The following ENPP1 variants were observed in gnomAD, a reference collection of about 807,000 sequenced individuals.
The protein encoded by ENPP1 is ectonucleotide pyrophosphatase/phosphodiesterase family member 1.
A neutral mutation model predicts 122.8 loss-of-function variants in ENPP1; 73 were observed. The observed-to-expected ratio is 0.59, with a 90% CI of 0.49 to 0.72. The LOEUF is 0.72. Ranked by LOEUF, ENPP1 falls within the 30% of genes least tolerant of loss-of-function variation. The pLI, the probability that ENPP1 is intolerant of heterozygous loss-of-function variation, is 0.00. For synonymous variants in ENPP1, 367 were observed against 391.6 expected, an observed-to-expected ratio of 0.94 and a Z score of 0.74; for missense variants, 978 against 1,128.1, an observed-to-expected ratio of 0.87 and a Z score of 1.91.
chr6:131,894,891 T>C lies in ENPP1; in HGVS notation c.*4380T>C, dbSNP rs1046460804. On this transcript the variant is annotated 3_prime_UTR_variant, in exon 25 of 25. Transcript: ENST00000647893. Reference sequence around the variant, plus strand: ...ATTACCCACAATCACTCTCCTTCTTTGCGCTATGGTAGGTGTTTACCCATC... The same window carrying C: ...ATTACCCACAATCACTCTCCTTCTTCGCGCTATGGTAGGTGTTTACCCATC... 5.3e-5 allele frequency: 8 copies of C among 152,232 alleles called. No homozygotes were observed. Among genetic ancestry groups the C allele is most frequent in the African/African-American group, 1.9e-4 (8 of 41,458 alleles). The allele number at this position is 152,232 out of a possible 1,614,324, so 9.4% of individuals were successfully genotyped here.
intron 20 of ENPP1, among the ~76,000 whole-genome samples, chr6:131,880,923 C>T (rs528418448): frequency 1.3e-5 from 2 of 152,208 alleles, no homozygotes; most frequent in East Asian, 3.9e-4. Flanking sequence ...GAGCAGCCTT[C>T]CCCCTCACCC....
At chr6:131,843,311 C>T (rs1288923829) in intron 1 of ENPP1, among the ~76,000 whole-genome samples, 3 of 152,100 alleles carry the variant, frequency 2.0e-5, no homozygotes, top group African/African-American at 7.2e-5. Context: ...TATTGTCATA[C>T]TTTTGTTTCA....
intron 1 of ENPP1, among the ~76,000 whole-genome samples, chr6:131,831,448 T>C (rs1272357693): frequency 6.6e-6 from 1 of 152,192 alleles, no homozygotes; most frequent in Non-Finnish European, 1.5e-5. Flanking sequence ...TTTTCCCTAA[T>C]GTCTTTTTTT....
intron 1 of ENPP1, among the ~76,000 whole-genome samples, chr6:131,819,169 G>A (rs1781453922): frequency 6.6e-6 from 1 of 152,178 alleles, no homozygotes; most frequent in African/African-American, 2.4e-5. Context: ...TCCAAAGGAT[G>A]AGTGGATGAT....
chr6:131,862,450 A>C (rs1245115520), intron 9 of ENPP1, among the ~76,000 whole-genome samples: 1 of 152,176 alleles, frequency 6.6e-6, no homozygotes, highest in East Asian at 1.9e-4. Context: ...ATTGTAATTC[A>C]TGCAGAGCCA....
At chr6:131,845,043 G>GTTTTTTTT (rs142380855) in intron 1 of ENPP1, among the ~76,000 whole-genome samples, 10 of 84,986 alleles carry the variant, frequency 1.2e-4, no homozygotes, top group African/African-American at 3.0e-4. Flanking sequence ...ATTCTTCATG[G>GTTTTTTTT]TTTTTTTTTT....
intron 6 of ENPP1, 75 bp from the exon 7 acceptor site, chr6:131,858,593 G>A (rs1360725920): frequency 7.6e-6 from 7 of 918,682 alleles, no homozygotes; most frequent in Middle Eastern, 2.1e-4. Context: ...TTAGACTGCT[G>A]TGGTACCACT....
intron 1 of ENPP1, among the ~76,000 whole-genome samples, chr6:131,810,735 T>G (rs1327112662): frequency 6.6e-6 from 1 of 152,218 alleles, no homozygotes; most frequent in Non-Finnish European, 1.5e-5. Context: ...TGCGTTGCCT[T>G]GCCTTTCAGA....
rs1405236860 is a variant in ENPP1 at position 131,879,775 on chromosome 6, A to G, written c.1946-105A>G. 7 of 1,045,116 alleles carry G rather than the reference A, an allele frequency of 6.7e-6. No individual in the cohort carries two copies. In the Admixed American group the frequency reaches 1.3e-4, roughly 19 times the overall value. 64.7% of individuals were successfully genotyped at this position (1,045,116 alleles called of 1,614,324 possible). On this transcript the variant is annotated intron_variant, in intron 19 of 24. Transcript: ENST00000647893. ...CAGTTTTTTTAATAGTTAAAAGTAA[A>G]TCTTCAATATAATTAAGTAGAGGAA...
intron 11 of ENPP1, among the ~76,000 whole-genome samples, chr6:131,866,488 G>A (rs1472308770): frequency 6.6e-6 from 1 of 152,188 alleles, no homozygotes; most frequent in Non-Finnish European, 1.5e-5. Context: ...ATTTACAACA[G>A]CTGCCTAAAC....
At chr6:131,890,277 C>A in intron 24 of ENPP1, 64 bp from the exon 25 acceptor site, 1 of 1,267,134 alleles carries the variant, frequency 7.9e-7, no homozygotes, top group Non-Finnish European at 1.2e-6. Flanking sequence ...GGAGATGGAG[C>A]ACTTATAGAA....
At chr6:131,820,229 G>A (rs1781467168) in intron 1 of ENPP1, 1 of 193,408 alleles carries the variant, frequency 5.2e-6, no homozygotes, top group East Asian at 1.4e-4. Flanking sequence ...ACTTTTAGAA[G>A]TATAATGGGA....
chr6:131,894,053 A>G lies in ENPP1; in HGVS notation c.*3542A>G, dbSNP rs1782510727. 1 of 125,114 alleles carries G rather than the reference A, an allele frequency of 8.0e-6. No individual in the cohort carries two copies. The highest frequency in any genetic ancestry group is 1.6e-5 in the Non-Finnish European group (1 of 63,308). The allele number at this position is 125,114 out of a possible 1,614,324, so 7.8% of individuals were successfully genotyped here. ...ACTGCAAGCTCCGCCTCCCAGGTTC[A>G]CGCCATTCTCCTGGCTCAGCCTCCC... is the stretch of plus-strand genomic sequence containing the variant. On this transcript the variant is annotated 3_prime_UTR_variant, in exon 25 of 25. Transcript: ENST00000647893.
chr6:131,876,976 T>C lies in ENPP1; in HGVS notation c.1724-16T>C. Reference sequence around the variant, plus strand: ...TTGAAACATCTAAGTAACTCTACCATCTTGAAATTATGCAGATTTACTGAA... The same window carrying C: ...TTGAAACATCTAAGTAACTCTACCACCTTGAAATTATGCAGATTTACTGAA... On this transcript the variant is annotated splice_polypyrimidine_tract_variant and intron_variant, in intron 17 of 24. Coordinates refer to ENST00000647893, the MANE Select transcript of ENPP1 (RefSeq NM_006208.3). 6.2e-7 allele frequency: 1 copy of C among 1,612,596 alleles called. No homozygotes were observed. Among genetic ancestry groups the C allele is most frequent in the East Asian group, 2.2e-5 (1 of 44,858 alleles).
chr6:131,831,060 C>T (rs1323823484), intron 1 of ENPP1, among the ~76,000 whole-genome samples: 1 of 138,666 alleles, frequency 7.2e-6, no homozygotes, highest in Admixed American at 7.8e-5. Context: ...TTGCAGTGAG[C>T]CAAGATCATG....
At chr6:131,859,448 C>T (rs987147166) in intron 7 of ENPP1, among the ~76,000 whole-genome samples, 51 of 150,094 alleles carry the variant, frequency 3.4e-4, no homozygotes, top group Non-Finnish European at 4.9e-4. Context: ...TGTGGTGGTG[C>T]GATCTCGGCT....
Position 131,850,003 on chromosome 6 carries a change from A to G in ENPP1, c.327A>G (p.Lys109=). The part of the protein sequence containing the change: ...PSCAKEVKSC[K]GRCFERTFGN... Reference sequence around the variant, plus strand: ...CAATTTTTTCAGTTAAAAGTTGCAAAGGTCGCTGTTTCGAGAGAACATTTG... The same window carrying G: ...CAATTTTTTCAGTTAAAAGTTGCAAGGGTCGCTGTTTCGAGAGAACATTTG... Residue 109 remains lysine (K), a synonymous_variant, in exon 3 of 25, where the codon AAA becomes AAG. Coordinates refer to ENST00000647893, the MANE Select transcript of ENPP1 (RefSeq NM_006208.3). 1.2e-6 allele frequency: 2 copies of G among 1,613,508 alleles called. No homozygotes were observed. The highest frequency in any genetic ancestry group is 1.7e-6 in the Non-Finnish European group (2 of 1,179,406).
chr6:131,821,446 G>T (rs1480636981), intron 1 of ENPP1, among the ~76,000 whole-genome samples: 2 of 152,170 alleles, frequency 1.3e-5, no homozygotes, highest in Non-Finnish European at 2.9e-5. Context: ...GTTGCATTTG[G>T]CCCCTTTCCT....
At chr6:131,809,593 T>G (rs1329071340) in intron 1 of ENPP1, among the ~76,000 whole-genome samples, 3 of 152,240 alleles carry the variant, frequency 2.0e-5, no homozygotes, top group Non-Finnish European at 2.9e-5. Flanking sequence ...ATTTTGTTAA[T>G]GGAAGACCTT....
Sources: gnomAD v4.1 joint callset for allele counts (sites outside exome capture counted in the v4.1 genomes callset) on GRCh38, gnomAD v4.1.1 for gene constraint, MANE v1.5 for transcripts, NCBI Gene and HGNC (gene_info 2026-07-23, HGNC 2026-07-21) for gene names.